The following IFT52 variants were observed in gnomAD, a reference collection of about 807,000 sequenced individuals.
IFT52 encodes intraflagellar transport 52.
In IFT52, 44 loss-of-function variants were observed where a neutral mutation model predicts 54.4. That is an observed-to-expected ratio of 0.81 (90% CI 0.63 to 1.04). The LOEUF (loss-of-function observed/expected upper bound fraction) is 1.04, where lower values mean the gene tolerates loss of function less well. Ranked by LOEUF, IFT52 falls within the 50% of genes least tolerant of loss-of-function variation. The pLI, the probability that IFT52 is intolerant of heterozygous loss-of-function variation, is 0.00. For synonymous variants in IFT52, 181 were observed against 185.3 expected, an observed-to-expected ratio of 0.98 and a Z score of 0.19; for missense variants, 452 against 523.6, an observed-to-expected ratio of 0.86 and a Z score of 1.33.
At chr20:43,636,731 A>G (rs1985562704) in intron 11 of IFT52, among the ~76,000 whole-genome samples, 1 of 152,234 alleles carries the variant, frequency 6.6e-6, no homozygotes, top group Admixed American at 6.5e-5. Flanking sequence ...TAAATGAGAA[A>G]CAAGTTGTAC....
At chr20:43,624,790 T>C (rs553643680) in intron 10 of IFT52, among the ~76,000 whole-genome samples, 1 of 152,302 alleles carries the variant, frequency 6.6e-6, no homozygotes, top group Non-Finnish European at 1.5e-5. Context: ...CTTCACTGTT[T>C]CTAACCTGAA....
rs758820562 is a variant in IFT52, at chr20:43,623,890, G to A, written c.769-1G>A. The A allele has an allele frequency of 6.2e-7, 1 of 1,613,708 alleles. No individual in the cohort carries two copies. Among genetic ancestry groups the A allele is most frequent in the South Asian group, 1.1e-5 (1 of 91,010 alleles). ...AAAAGGAACCCTCTTGTGGCTTTCA[G>A]ATTTCTGACTACATGATGCTGCCCT... is the stretch of plus-strand genomic sequence containing the variant. On this transcript the variant is annotated splice_acceptor_variant, in intron 9 of 13. Coordinates refer to ENST00000373030, the MANE Select transcript of IFT52 (RefSeq NM_016004.5). LOFTEE classifies it high-confidence loss of function.
chr20:43,629,504 C>T (rs1349565674), intron 10 of IFT52, among the ~76,000 whole-genome samples: 1 of 152,268 alleles, frequency 6.6e-6, no homozygotes, highest in Non-Finnish European at 1.5e-5. Context: ...GATCTCCTGA[C>T]CTCGTTATCT....
intron 6 of IFT52, among the ~76,000 whole-genome samples, chr20:43,606,296 T>A (rs6130425): frequency 2.8e-5 from 4 of 140,882 alleles, no homozygotes; most frequent in East Asian, 4.3e-4. Flanking sequence ...TTTTTTGAGA[T>A]GGAGTCTCAC....
intron 13 of IFT52, among the ~76,000 whole-genome samples, chr20:43,645,863 TAA>T (rs1166311677): frequency 1.4e-4 from 6 of 41,440 alleles, no homozygotes; most frequent in Non-Finnish European, 2.8e-4. Context: ...AGACCCTGTT[TAA>T]AAAAAAAAAA....
chr20:43,611,630 G>A (rs909965835), intron 6 of IFT52, among the ~76,000 whole-genome samples: 5 of 151,620 alleles, frequency 3.3e-5, no homozygotes, highest in Admixed American at 1.3e-4. Context: ...TAGAGACAGG[G>A]CTTCACCATG....
At chr20:43,641,511 T>C (rs1027030146) in intron 12 of IFT52, among the ~76,000 whole-genome samples, 1 of 150,478 alleles carries the variant, frequency 6.6e-6, no homozygotes, top group African/African-American at 2.5e-5. Context: ...GTGCTGGGAT[T>C]ACAGATGTGA....
intron 6 of IFT52, among the ~76,000 whole-genome samples, chr20:43,607,748 G>C (rs1023737160): frequency 6.6e-6 from 1 of 151,806 alleles, no homozygotes; most frequent in Non-Finnish European, 1.5e-5. Context: ...ACGGGGTGGC[G>C]GCCGGGCAGA....
intron 3 of IFT52, among the ~76,000 whole-genome samples, chr20:43,603,027 T>C (rs181726865): frequency 6.6e-6 from 1 of 152,212 alleles, no homozygotes; most frequent in Non-Finnish European, 1.5e-5. Context: ...TACATACATA[T>C]TGAATGTATT....
At chr20:43,628,922 G>T (rs1460584649) in intron 10 of IFT52, among the ~76,000 whole-genome samples, 1 of 152,142 alleles carries the variant, frequency 6.6e-6, no homozygotes, top group African/African-American at 2.4e-5. Context: ...GCCTCTAGGG[G>T]AGTGGGAGAG....
At chr20:43,602,839 G>T (rs1033672154) in intron 3 of IFT52, among the ~76,000 whole-genome samples, 12 of 152,132 alleles carry the variant, frequency 7.9e-5, no homozygotes, top group Non-Finnish European at 1.5e-4. Flanking sequence ...ATACAAGAGC[G>T]AGAGGGCCGT....
intron 10 of IFT52, among the ~76,000 whole-genome samples, chr20:43,627,017 A>T (rs1172444430): frequency 1.3e-5 from 2 of 152,024 alleles, no homozygotes; most frequent in African/African-American, 4.8e-5. Context: ...ATAGAAAAAA[A>T]GTAGCTAGGC....
At chr20:43,627,698 A>G (rs918027107) in intron 10 of IFT52, among the ~76,000 whole-genome samples, 2 of 152,134 alleles carry the variant, frequency 1.3e-5, no homozygotes, top group Non-Finnish European at 2.9e-5. Context: ...AGAGTAAGCA[A>G]GAGACAATGG....
chr20:43,638,342 C>A (rs531807093), intron 12 of IFT52, among the ~76,000 whole-genome samples: 1 of 152,060 alleles, frequency 6.6e-6, no homozygotes, highest in Non-Finnish European at 1.5e-5. Flanking sequence ...AGTTGCCCAC[C>A]GCCACGCATG....
intron 12 of IFT52, among the ~76,000 whole-genome samples, chr20:43,641,048 A>G (rs1985881662): frequency 6.6e-6 from 1 of 151,462 alleles, no homozygotes; most frequent in South Asian, 2.1e-4. Context: ...AAAAAAAAAA[A>G]AAAAAAGGAA....
chr20:43,598,278 G>T (rs1203634450), intron 3 of IFT52, among the ~76,000 whole-genome samples: 2 of 152,162 alleles, frequency 1.3e-5, no homozygotes, highest in Admixed American at 1.3e-4. Context: ...GAAGGGTGGT[G>T]GTTGCCAGGG....
chr20:43,630,716 A>G (rs1005500222), intron 10 of IFT52, among the ~76,000 whole-genome samples: 1 of 152,224 alleles, frequency 6.6e-6, no homozygotes, highest in African/African-American at 2.4e-5. Flanking sequence ...GTGAAAACGC[A>G]GTGCCAGAGG....
At chr20:43,611,802 G>A (rs1369738604) in intron 6 of IFT52, among the ~76,000 whole-genome samples, 2 of 152,014 alleles carry the variant, frequency 1.3e-5, no homozygotes, top group Admixed American at 6.6e-5. Flanking sequence ...GGCTGAGGCG[G>A]GTGGATCACC....
At chr20:43,596,596 T>G in intron 3 of IFT52, 74 bp downstream of exon 3, 3 of 972,872 alleles carry the variant, frequency 3.1e-6, no homozygotes, top group Non-Finnish European at 1.7e-6. Context: ...CGGATTTGAA[T>G]CCCCCTTCAC....
Sources: allele counts gnomAD v4.1 joint callset (sites outside exome capture counted in the v4.1 genomes callset), GRCh38; gene constraint gnomAD v4.1.1; transcripts MANE v1.5; gene names NCBI Gene and HGNC (gene_info 2026-07-23, HGNC 2026-07-21).